The following ADGRL2 variants were observed in gnomAD, a reference collection of about 807,000 sequenced individuals.
ADGRL2 encodes the protein adhesion G protein-coupled receptor L2.
In ADGRL2, 44 loss-of-function variants were observed where a neutral mutation model predicts 157.4. The ratio of observed to expected loss-of-function variants is 0.28; its 90% confidence interval spans 0.22 to 0.36. ADGRL2 has a LOEUF of 0.36. Ranked by LOEUF, ADGRL2 falls within the 10% of genes least tolerant of loss-of-function variation. The pLI, the probability that ADGRL2 is intolerant of heterozygous loss-of-function variation, is 1.00. For synonymous variants in ADGRL2, 585 were observed against 624.7 expected (o/e 0.94, Z 0.95); for missense variants, 1,510 against 1,768.9 (o/e 0.85, Z 2.63).
chr1:81,795,979 T>G (rs1442708333), upstream of ADGRL2, among the ~76,000 whole-genome samples: 1 of 152,098 alleles, frequency 6.6e-6, no homozygotes, highest in Non-Finnish European at 1.5e-5. Flanking sequence ...ATTTTATTTT[T>G]GTTTTGTTTT....
chr1:81,705,775 A>G (rs1426398743), intron 1 of ADGRL2, among the ~76,000 whole-genome samples: 2 of 151,914 alleles, frequency 1.3e-5, no homozygotes, highest in Non-Finnish European at 2.9e-5. Context: ...GGTTAGATAA[A>G]CATGGTGGTA....
rs190351824 is a variant in ADGRL2 at position 81,772,533 on chromosome 1, A to T, written c.-101+10681A>T. Among the ~76,000 whole-genome samples the T allele has an allele frequency of 1.4e-3, 218 of 152,186 alleles. 6 individuals carry two copies. The South Asian group carries it at 0.041, about 29-fold the overall frequency. On this transcript the variant is annotated intron_variant, in intron 2 of 20. Transcript: ENST00000359929. Reference sequence around the variant, plus strand: ...CACCTGAGGTCAGGAGTTCGAGACCAGCCTGGCCAACATGGTGAAACCTTG... The same window carrying T: ...CACCTGAGGTCAGGAGTTCGAGACCTGCCTGGCCAACATGGTGAAACCTTG...
At chr1:81,909,019 T>C (rs1470793385) in intron 3 of ADGRL2, among the ~76,000 whole-genome samples, 2 of 151,766 alleles carry the variant, frequency 1.3e-5, no homozygotes, top group African/African-American at 4.8e-5. Flanking sequence ...GGATTACAGG[T>C]GCAAGCCACC....
At chr1:81,417,898 T>G (rs1024789102) in intron 1 of ADGRL2, among the ~76,000 whole-genome samples, 4 of 152,176 alleles carry the variant, frequency 2.6e-5, no homozygotes. Context: ...CCACCTCCAG[T>G]CAAATGTGGC....
intron 1 of ADGRL2, among the ~76,000 whole-genome samples, chr1:81,398,840 G>A (rs1051849105): frequency 2.0e-5 from 3 of 152,016 alleles, no homozygotes; most frequent in African/African-American, 7.2e-5. Flanking sequence ...TTCTCTCCTT[G>A]TCTTTTACTT....
At chr1:81,845,979 A>C (rs935138549) in intron 2 of ADGRL2, among the ~76,000 whole-genome samples, 6 of 151,890 alleles carry the variant, frequency 4.0e-5, no homozygotes, top group African/African-American at 1.4e-4. Context: ...TTAAATATTT[A>C]TTCATTACAT....
chr1:81,464,933 G>GAAAA (rs199573052), intron 2 of ADGRL2, among the ~76,000 whole-genome samples: 3 of 138,776 alleles, frequency 2.2e-5, no homozygotes, highest in East Asian at 2.1e-4. Context: ...CCACCAGGGA[G>GAAAA]AAAAAAAAAA....
chr1:81,850,321 T>C (rs1400109593), intron 2 of ADGRL2, among the ~76,000 whole-genome samples: 2 of 140,920 alleles, frequency 1.4e-5, no homozygotes, highest in African/African-American at 4.9e-5. Flanking sequence ...GTCTTCTTTC[T>C]CCCCCTCCTC....
chr1:81,889,981 C>T (rs1381187267), intron 2 of ADGRL2, among the ~76,000 whole-genome samples: 1 of 152,170 alleles, frequency 6.6e-6, no homozygotes, highest in Non-Finnish European at 1.5e-5. Context: ...TTTAATGCTC[C>T]TCATCTCTGG....
At chr1:81,695,975 G>A (rs1204296679), upstream of ADGRL2, among the ~76,000 whole-genome samples, 1 of 152,004 alleles carries the variant, frequency 6.6e-6, no homozygotes, top group Non-Finnish European at 1.5e-5. Context: ...CTGACAAATT[G>A]TTTGTAATTT....
At chr1:81,413,000 C>T (rs755596029) in intron 1 of ADGRL2, among the ~76,000 whole-genome samples, 1 of 151,952 alleles carries the variant, frequency 6.6e-6, no homozygotes, top group Non-Finnish European at 1.5e-5. Flanking sequence ...TAAATTTGTT[C>T]TTGGATGTTT....
chr1:81,520,210 T>C (rs2079279735), intron 2 of ADGRL2, among the ~76,000 whole-genome samples: 1 of 152,166 alleles, frequency 6.6e-6, no homozygotes, highest in Non-Finnish European at 1.5e-5. Flanking sequence ...CTGCTGCCTT[T>C]TGGGTTTTCT....
At chr1:81,645,417 A>C (rs1046416982) in intron 3 of ADGRL2, among the ~76,000 whole-genome samples, 2 of 146,676 alleles carry the variant, frequency 1.4e-5, no homozygotes, top group Non-Finnish European at 3.1e-5. Context: ...AAAAAAAAAA[A>C]AATTAAATTA....
intron 1 of ADGRL2, among the ~76,000 whole-genome samples, chr1:81,809,560 C>CT: frequency 6.6e-6 from 1 of 151,988 alleles, no homozygotes. Flanking sequence ...ACAATCCTGT[C>CT]TTTTTTTCTG....
intron 11 of ADGRL2, among the ~76,000 whole-genome samples, chr1:81,962,710 T>A (rs1451135021): frequency 1.3e-5 from 2 of 152,214 alleles, no homozygotes; most frequent in Non-Finnish European, 2.9e-5. Flanking sequence ...GGCAGCTGAT[T>A]TGATTTTTCC....
At chr1:81,502,293 C>T in intron 2 of ADGRL2, 1 of 1,613,934 alleles carries the variant, frequency 6.2e-7, no homozygotes, top group Non-Finnish European at 8.5e-7. Context: ...GTCTCCACAG[C>T]AGGACAGCTG....
At chr1:81,931,832 C>T (rs1450306711) in intron 3 of ADGRL2, among the ~76,000 whole-genome samples, 1 of 151,992 alleles carries the variant, frequency 6.6e-6, no homozygotes, top group East Asian at 1.9e-4. Flanking sequence ...TGGGGTTTTG[C>T]CATGTTACCC....
chr1:81,536,866 G>T (rs773913508), intron 2 of ADGRL2, among the ~76,000 whole-genome samples: 1 of 152,148 alleles, frequency 6.6e-6, no homozygotes, highest in Non-Finnish European at 1.5e-5. Context: ...TGCCTACTGC[G>T]TGAAGGGCAC....
intron 1 of ADGRL2, among the ~76,000 whole-genome samples, chr1:81,409,882 G>T (rs952329377): frequency 6.6e-6 from 1 of 152,172 alleles, no homozygotes; most frequent in Non-Finnish European, 1.5e-5. Flanking sequence ...TTGAAAATCT[G>T]CCCTTTTAGC....
Sources: gnomAD v4.1 joint callset for allele counts (sites outside exome capture counted in the v4.1 genomes callset) on GRCh38, gnomAD v4.1.1 for gene constraint, MANE v1.5 for transcripts, NCBI Gene and HGNC (gene_info 2026-07-23, HGNC 2026-07-21) for gene names.